Variants in TPD52L1 observed in about 807,000 individuals in gnomAD.
The protein encoded by TPD52L1 is TPD52 like 1.
TPD52L1 carries 18 observed loss-of-function variants against 28.7 expected under a neutral mutation model. The ratio of observed to expected loss-of-function variants is 0.63; its 90% CI spans 0.43 to 0.93. The LOEUF (loss-of-function observed/expected upper bound fraction) is 0.93, where lower values mean the gene tolerates loss of function less well. TPD52L1 is among the 40% of genes least tolerant of loss of function. TPD52L1 has a pLI of 0.00. For missense variants in TPD52L1, 203 were observed against 254.8 expected (o/e 0.80, Z 1.39); for synonymous variants, 75 against 88.8 (o/e 0.84, Z 0.88).
At chr6:125,221,751 C>T (rs1020320137) in intron 2 of TPD52L1, 3 of 152,158 alleles carry the variant, frequency 2.0e-5, no homozygotes, top group African/African-American at 7.2e-5. Flanking sequence ...CATTTGGCCA[C>T]AGTAATACAC....
rs1326454808 is a variant in TPD52L1 at position 125,153,809 on chromosome 6, C to G, written c.-143C>G. ...GTGGCGGCTGCCTGCGTCCCCAACC[C>G]CCTCCGCGCAGCGCTCGCGACACGC... On this transcript the variant is annotated 5_prime_UTR_variant, in exon 1 of 7. Transcript: ENST00000534000. 2 of 944,248 alleles carry G rather than the reference C, an allele frequency of 2.1e-6. No homozygotes were observed. Among genetic ancestry groups the G allele is most frequent in the African/African-American group, 3.4e-5 (2 of 58,554 alleles). 58.5% of individuals were successfully genotyped at this position (944,248 alleles called of 1,614,324 possible). A position where few individuals can be genotyped will look rare whatever the true frequency, so the allele number is the denominator to read the frequency against.
intron 1 of TPD52L1, among the ~76,000 whole-genome samples, chr6:125,172,104 C>CTT (rs1562209859): frequency 7.2e-5 from 5 of 69,024 alleles, no homozygotes; most frequent in Non-Finnish European, 1.6e-4. Flanking sequence ...CTTTCCCTTT[C>CTT]TTTCTTTCTT....
intron 1 of TPD52L1, among the ~76,000 whole-genome samples, chr6:125,207,540 G>A (rs1341566560): frequency 6.6e-6 from 1 of 152,214 alleles, no homozygotes; most frequent in African/African-American, 2.4e-5. Flanking sequence ...AACGTTGGAA[G>A]ACAGAGACAG....
chr6:125,245,327 C>A (rs1796863240), intron 3 of TPD52L1, among the ~76,000 whole-genome samples: 1 of 152,150 alleles, frequency 6.6e-6, no homozygotes, highest in Admixed American at 6.5e-5. Flanking sequence ...CAGTAATGGC[C>A]TGAGTTGGTC....
intron 1 of TPD52L1, among the ~76,000 whole-genome samples, chr6:125,212,183 A>G (rs1794567706): frequency 6.6e-6 from 1 of 152,184 alleles, no homozygotes; most frequent in Non-Finnish European, 1.5e-5. Context: ...TCTTAAATCT[A>G]TTATTTAAAA....
intron 1 of TPD52L1, among the ~76,000 whole-genome samples, chr6:125,172,545 TATATATA>T (rs1334976840): frequency 1.8e-4 from 18 of 99,654 alleles, no homozygotes; most frequent in South Asian, 9.3e-4. Context: ...TATATATATA[TATATATA>T]ATATATATAC....
At chr6:125,160,448 C>T (rs1237565470) in intron 1 of TPD52L1, among the ~76,000 whole-genome samples, 4 of 152,164 alleles carry the variant, frequency 2.6e-5, no homozygotes, top group Admixed American at 2.6e-4. Context: ...ACACCTTGAA[C>T]TCCTGGGCTC....
chr6:125,209,289 C>T (rs1478476685), intron 1 of TPD52L1, among the ~76,000 whole-genome samples: 1 of 152,200 alleles, frequency 6.6e-6, no homozygotes, highest in Non-Finnish European at 1.5e-5. Flanking sequence ...AGAGAACGCC[C>T]ATCTGGCATT....
chr6:125,216,475 A>G (rs1794882529), intron 1 of TPD52L1, among the ~76,000 whole-genome samples: 1 of 148,222 alleles, frequency 6.7e-6, no homozygotes, highest in African/African-American at 2.5e-5. Flanking sequence ...GATATTCATA[A>G]TATCCTATTG....
At position 125,209,810 on chromosome 6, in the gene TPD52L1, A is replaced by T. The variant is rs149784788; in HGVS notation, c.20-10268A>T. Among the ~76,000 whole-genome samples the T allele has an allele frequency of 2.9e-3, 442 of 152,318 alleles. 1 individual carries two copies. The highest frequency in any genetic ancestry group is 9.9e-3 in the African/African-American group (412 of 41,568). On this transcript the variant is annotated intron_variant, in intron 1 of 6. Coordinates refer to ENST00000534000, the MANE Select transcript of TPD52L1 (RefSeq NM_003287.4). ...TAGACTCCTAGACCATTTATTGCAG[A>T]CAAGATCTTAAAAACTGTACAGAAG...
chr6:125,153,871 G>A lies in TPD52L1; in HGVS notation c.-81G>A, dbSNP rs1466901426. 6.6e-7 allele frequency: 1 copy of A among 1,514,278 alleles called. No individual in the cohort carries two copies. Among genetic ancestry groups the A allele is most frequent in the Non-Finnish European group, 8.9e-7 (1 of 1,129,248 alleles). 93.8% of individuals were successfully genotyped at this position (1,514,278 alleles called of 1,614,324 possible). A position where few individuals can be genotyped will look rare whatever the true frequency, so the allele number is the denominator to read the frequency against. ...GGGAGCGAGCGGCGGGGCCAGCTGC[G>A]TTCTGAGCCTGGGCGCAGCTGCCAT... On this transcript the variant is annotated 5_prime_UTR_variant, in exon 1 of 7. Coordinates refer to ENST00000534000, the MANE Select transcript of TPD52L1 (RefSeq NM_003287.4).
chr6:125,172,684 A>G (rs1408219953), intron 1 of TPD52L1, among the ~76,000 whole-genome samples: 2 of 146,008 alleles, frequency 1.4e-5, no homozygotes, highest in Non-Finnish European at 3.0e-5. Context: ...TATTTTCTTC[A>G]TTGTCTCTTC....
intron 1 of TPD52L1, among the ~76,000 whole-genome samples, chr6:125,193,149 A>C (rs950083266): frequency 2.6e-5 from 4 of 152,178 alleles, no homozygotes; most frequent in Admixed American, 2.6e-4. Flanking sequence ...TGTTGCTAGG[A>C]CTAGATTCAG....
intron 1 of TPD52L1, among the ~76,000 whole-genome samples, chr6:125,155,757 G>T (rs1350870944): frequency 1.3e-5 from 2 of 152,302 alleles, no homozygotes; most frequent in East Asian, 3.9e-4. Context: ...AGAGCAGATT[G>T]TTTATTGTGT....
intron 3 of TPD52L1, among the ~76,000 whole-genome samples, chr6:125,234,813 T>C (rs1259682749): frequency 6.6e-6 from 1 of 152,066 alleles, no homozygotes; most frequent in Non-Finnish European, 1.5e-5. Context: ...CAATACATCA[T>C]TGAGTGCCAT....
intron 1 of TPD52L1, among the ~76,000 whole-genome samples, chr6:125,172,144 CTTTCTTTCTTTCT>C (rs1562211128): frequency 0.012 from 697 of 60,298 alleles, 2 homozygotes; most frequent in African/African-American, 0.038. Context: ...TTCTTTCTTT[CTTTCTTTCTTTCT>C]TTTCTTTCTT....
intron 1 of TPD52L1, among the ~76,000 whole-genome samples, chr6:125,170,180 G>A (rs760841852): frequency 5.3e-5 from 8 of 151,952 alleles, no homozygotes; most frequent in Non-Finnish European, 1.0e-4. Context: ...CATTTTCCCT[G>A]GACTCTCTTT....
At chr6:125,174,291 T>A (rs1791690406) in intron 1 of TPD52L1, among the ~76,000 whole-genome samples, 1 of 152,222 alleles carries the variant, frequency 6.6e-6, no homozygotes, top group African/African-American at 2.4e-5. Context: ...CTTTGTGAGT[T>A]TACCACCCTA....
At chr6:125,262,754 C>A in intron 6 of TPD52L1, 80 bp from the exon 7 acceptor site, 1 of 1,499,070 alleles carries the variant, frequency 6.7e-7, no homozygotes, top group Non-Finnish European at 9.0e-7. Flanking sequence ...GAAAGTAATC[C>A]AGCTTTTGGT....
Sources: allele counts gnomAD v4.1 joint callset (sites outside exome capture counted in the v4.1 genomes callset), GRCh38; gene constraint gnomAD v4.1.1; transcripts MANE v1.5; gene names NCBI Gene and HGNC (gene_info 2026-07-23, HGNC 2026-07-21).